BABAM2: variants seen among roughly 807,000 people sequenced by gnomAD.
BABAM2 encodes the protein BRISC and BRCA1 A complex member 2, also known as BRISC and BRCA1-A complex member 2.
BABAM2 carries 31 observed loss-of-function variants against 54.7 expected under a neutral mutation model. The observed-to-expected ratio is 0.57, with a 90% CI of 0.43 to 0.77. BABAM2 has a LOEUF of 0.77. Among genes scored for constraint, BABAM2 ranks in the 30% least tolerant of loss-of-function variants. The pLI, the probability that BABAM2 is intolerant of heterozygous loss-of-function variation, is 0.00. For missense variants in BABAM2, 364 were observed against 455.8 expected, an observed-to-expected ratio of 0.80 and a Z score of 1.83; for synonymous variants, 167 against 162.9, an observed-to-expected ratio of 1.03 and a Z score of -0.19.
intron 2 of BABAM2, among the ~76,000 whole-genome samples, chr2:27,926,876 G>A (rs572914945): frequency 1.3e-5 from 2 of 152,122 alleles, no homozygotes; most frequent in African/African-American, 4.8e-5. Flanking sequence ...TACATATAGT[G>A]TATAGTAATA....
intron 3 of BABAM2, among the ~76,000 whole-genome samples, chr2:27,942,265 A>G (rs1384775120): frequency 1.3e-5 from 2 of 152,232 alleles, no homozygotes; most frequent in African/African-American, 4.8e-5. Context: ...TTGTTGTTGC[A>G]TCAGCTGAAA....
At chr2:28,011,378 GT>G (rs1674383439) in intron 4 of BABAM2, among the ~76,000 whole-genome samples, 1 of 152,092 alleles carries the variant, frequency 6.6e-6, no homozygotes, top group South Asian at 2.1e-4. Context: ...ATAGCTGCAT[GT>G]GGCTGTTATA....
Position 28,329,669 on chromosome 2 carries a change from C to T in BABAM2, c.1089-8781C>T, listed in dbSNP as rs1690781257. 6.6e-6 allele frequency among the ~76,000 whole-genome samples: 1 copy of T among 152,154 alleles called. No homozygotes were observed. The highest frequency in any genetic ancestry group is 2.4e-5 in the African/African-American group (1 of 41,430). On this transcript the variant is annotated intron_variant, in intron 11 of 11. Transcript: ENST00000379624. This position sits in a 1 kb window ranked among gnomAD's most constrained non-coding sequence, Gnocchi z 4.2. Reference sequence around the variant, plus strand: ...TCCCTGAATAGACCAATAACAAGTTCTGAAATTGAGGCAGTAATAAATAGC... The same window carrying T: ...TCCCTGAATAGACCAATAACAAGTTTTGAAATTGAGGCAGTAATAAATAGC...
intron 7 of BABAM2, among the ~76,000 whole-genome samples, chr2:28,142,970 T>G (rs945152240): frequency 4.6e-5 from 7 of 152,154 alleles, no homozygotes; most frequent in African/African-American, 1.4e-4. Context: ...ATTTCCACCC[T>G]GGTAGAGTTG....
chr2:28,119,529 A>G (rs1035697677), intron 6 of BABAM2, among the ~76,000 whole-genome samples: 7 of 152,214 alleles, frequency 4.6e-5, no homozygotes, highest in African/African-American at 1.7e-4. Context: ...TTGGCCAACA[A>G]AATCTTGATC....
At chr2:28,068,500 A>G (rs867214187) in intron 6 of BABAM2, among the ~76,000 whole-genome samples, 2 of 152,212 alleles carry the variant, frequency 1.3e-5, no homozygotes, top group Admixed American at 1.3e-4. Flanking sequence ...TTCTGTCAAG[A>G]CAATTTGATA....
chr2:28,223,095 T>C (rs1486204983), intron 7 of BABAM2, among the ~76,000 whole-genome samples: 1 of 152,234 alleles, frequency 6.6e-6, no homozygotes, highest in African/African-American at 2.4e-5. Flanking sequence ...TTCCTAGTTT[T>C]GCACAGATGG....
intron 7 of BABAM2, among the ~76,000 whole-genome samples, chr2:28,218,784 C>T (rs1680138048): frequency 6.6e-6 from 1 of 152,190 alleles, no homozygotes; most frequent in Admixed American, 6.5e-5. Flanking sequence ...GATTCTTCAG[C>T]TGCATCTTTC....
chr2:27,985,950 A>G (rs1672367042), intron 3 of BABAM2, among the ~76,000 whole-genome samples: 1 of 152,196 alleles, frequency 6.6e-6, no homozygotes, highest in African/African-American at 2.4e-5. Context: ...CAGAAGTAAC[A>G]ATGATCTGTG....
At chr2:28,216,780 C>G (rs1043506794) in intron 7 of BABAM2, among the ~76,000 whole-genome samples, 5 of 152,168 alleles carry the variant, frequency 3.3e-5, no homozygotes, top group Non-Finnish European at 5.9e-5. Context: ...TAGAATAAAA[C>G]CCCAGTAACT....
intron 10 of BABAM2, among the ~76,000 whole-genome samples, chr2:28,295,697 A>G (rs924727972): frequency 2.0e-5 from 3 of 152,028 alleles, no homozygotes; most frequent in Non-Finnish European, 2.9e-5. Context: ...GGGTTTCACC[A>G]TGTTGGCCGG....
chr2:28,082,383 T>C (rs1334138318), intron 6 of BABAM2, among the ~76,000 whole-genome samples: 2 of 152,210 alleles, frequency 1.3e-5, no homozygotes, highest in African/African-American at 2.4e-5. Context: ...AAAGGCAATA[T>C]GTCATCTGAA....
chr2:28,214,155 G>A (rs1428308126), intron 7 of BABAM2, among the ~76,000 whole-genome samples: 1 of 151,864 alleles, frequency 6.6e-6, no homozygotes, highest in Non-Finnish European at 1.5e-5. Context: ...TTTTTAACCT[G>A]CATTCACATG....
At chr2:28,030,804 G>T (rs142125562) in intron 5 of BABAM2, among the ~76,000 whole-genome samples, 2 of 152,258 alleles carry the variant, frequency 1.3e-5, no homozygotes, top group East Asian at 3.9e-4. Flanking sequence ...CTGGAGGGCG[G>T]AAGTCCAAAA....
At chr2:27,910,991 G>A (rs868044254) in intron 2 of BABAM2, among the ~76,000 whole-genome samples, 11 of 152,132 alleles carry the variant, frequency 7.2e-5, no homozygotes, top group Non-Finnish European at 1.5e-4. Context: ...TCTTGTGATA[G>A]TGAGTTCTCA....
intron 10 of BABAM2, among the ~76,000 whole-genome samples, chr2:28,245,691 A>G (rs1682854109): frequency 6.6e-6 from 1 of 152,224 alleles, no homozygotes. Context: ...CAACTTTCCC[A>G]GCTTGAGTTA....
At chr2:28,225,882 G>A (rs906391816) in intron 7 of BABAM2, among the ~76,000 whole-genome samples, 1 of 151,864 alleles carries the variant, frequency 6.6e-6, no homozygotes, top group African/African-American at 2.4e-5. Flanking sequence ...CCTATTCTAG[G>A]GGGGTGGGGT....
At chr2:27,957,130 T>C (rs1344644403) in intron 3 of BABAM2, among the ~76,000 whole-genome samples, 1 of 152,202 alleles carries the variant, frequency 6.6e-6, no homozygotes, top group Non-Finnish European at 1.5e-5. Flanking sequence ...AAAAAAATGT[T>C]GGTTATTGTC....
At chr2:28,324,103 T>G (rs954081937) in intron 11 of BABAM2, among the ~76,000 whole-genome samples, 17 of 152,202 alleles carry the variant, frequency 1.1e-4, no homozygotes, top group African/African-American at 4.1e-4. Context: ...TAGGGGGTTT[T>G]GTAGAACAAA....
Sources: gnomAD v4.1 joint callset for allele counts (sites outside exome capture counted in the v4.1 genomes callset) on GRCh38, gnomAD v4.1.1 for gene constraint, Gnocchi (gnomAD v3.1) non-coding constraint, MANE v1.5 for transcripts, NCBI Gene and HGNC (gene_info 2026-07-23, HGNC 2026-07-21) for gene names.